Variants in POLD3 observed in about 807,000 individuals in gnomAD.
The protein encoded by POLD3 is DNA polymerase delta 3, accessory subunit.
In POLD3, 19 loss-of-function variants were observed where a neutral mutation model predicts 58.2. The ratio of observed to expected loss-of-function variants is 0.33; its 90% CI spans 0.23 to 0.48. The LOEUF is 0.48. Among genes scored for constraint, POLD3 ranks in the 20% least tolerant of loss-of-function variants. The pLI, the probability that POLD3 is intolerant of heterozygous loss-of-function variation, is 0.99. For missense variants in POLD3, 504 were observed against 545.5 expected (o/e 0.92, Z 0.76); for synonymous variants, 172 against 193.5 (o/e 0.89, Z 0.92).
intron 8 of POLD3, among the ~76,000 whole-genome samples, chr11:74,628,377 T>G (rs2032493246): frequency 6.6e-6 from 1 of 152,206 alleles, no homozygotes; most frequent in Non-Finnish European, 1.5e-5. Context: ...TTCCTTTTAC[T>G]TTGGGTTTAA....
chr11:74,607,371 T>C (rs946650980), intron 3 of POLD3, among the ~76,000 whole-genome samples: 2 of 150,654 alleles, frequency 1.3e-5, no homozygotes, highest in African/African-American at 4.9e-5. Context: ...CACGTCATTC[T>C]CCTGCCTCAG....
chr11:74,592,730 C>T lies in POLD3; in HGVS notation c.60+12C>T. 1 of 1,614,000 alleles carries T rather than the reference C, an allele frequency of 6.2e-7. No individual in the cohort carries two copies. Among genetic ancestry groups the T allele is most frequent in the Non-Finnish European group, 8.5e-7 (1 of 1,179,916 alleles). ...ACCAAAACAAGATCGTGAGCAGCTA[C>T]TACTGGGGAACGCGGGCGTGCGACC... On this transcript the variant is annotated intron_variant, in intron 1 of 11. Coordinates refer to ENST00000263681, the MANE Select transcript of POLD3 (RefSeq NM_006591.3).
At chr11:74,629,108 A>G in intron 8 of POLD3, 109 bp from the exon 9 acceptor site, 1 of 656,610 alleles carries the variant, frequency 1.5e-6, no homozygotes, top group Middle Eastern at 2.6e-4. Context: ...GTCCTTTTCT[A>G]CCCTCTGGAA....
chr11:74,604,192 A>C (rs1446387333), intron 2 of POLD3, among the ~76,000 whole-genome samples: 1 of 152,202 alleles, frequency 6.6e-6, no homozygotes, highest in Non-Finnish European at 1.5e-5. Flanking sequence ...CACATCTCCC[A>C]AAAAAGCACA....
intron 11 of POLD3, among the ~76,000 whole-genome samples, chr11:74,639,450 A>T (rs2032848003): frequency 6.6e-6 from 1 of 152,230 alleles, no homozygotes; most frequent in Admixed American, 6.5e-5. Flanking sequence ...TCATTTGAGC[A>T]TTTATTATGC....
At chr11:74,596,489 A>G (rs1255691342) in intron 2 of POLD3, among the ~76,000 whole-genome samples, 1 of 152,136 alleles carries the variant, frequency 6.6e-6, no homozygotes. Context: ...CCAAGCCAAG[A>G]TTTTTTAAAT....
intron 4 of POLD3, among the ~76,000 whole-genome samples, chr11:74,654,420 CAG>C (rs1328686455): frequency 4.4e-5 from 6 of 135,164 alleles, no homozygotes; most frequent in Non-Finnish European, 7.0e-5. Flanking sequence ...TTAAATAAAA[CAG>C]AACTAAAAAC....
chr11:74,622,761 A>C (rs1403754240), intron 7 of POLD3, among the ~76,000 whole-genome samples: 1 of 152,170 alleles, frequency 6.6e-6, no homozygotes, highest in Non-Finnish European at 1.5e-5. Context: ...AATGATGTGT[A>C]CTCACTTTGG....
chr11:74,599,389 G>A (rs1350555700), intron 2 of POLD3, among the ~76,000 whole-genome samples: 4 of 128,846 alleles, frequency 3.1e-5, no homozygotes, highest in South Asian at 2.4e-4. Flanking sequence ...TTTTTTTGAC[G>A]GAGTCTCGCT....
At chr11:74,632,297 C>T (rs1264628026) in intron 9 of POLD3, among the ~76,000 whole-genome samples, 1 of 152,156 alleles carries the variant, frequency 6.6e-6, no homozygotes, top group Non-Finnish European at 1.5e-5. Context: ...AGTTTTTATT[C>T]TGTCCCAACA....
chr11:74,640,693 C>A lies in POLD3; in HGVS notation c.1328C>A (p.Pro443His). The change falls in exon 12 of 12, where the codon CCC becomes CAC. Residue 443 changes from proline (P) to histidine (H), a missense_variant. By Grantham distance (77) the Pro-to-His change is moderately conservative (BLOSUM62 -2). This residue lies in a region of POLD3 where 385 missense variants were observed against 370.5 expected (regional missense o/e 1.04). Coordinates refer to ENST00000263681, the MANE Select transcript of POLD3 (RefSeq NM_006591.3). ...GAACCCAGAGAGGAACGAAAGGGCC[C>A]CAAGAAAGGGACTGCTGCTCTGGGC... ...KKEPREERKG[P>H]KKGTAALGKA... 6.2e-7 allele frequency: 1 copy of A among 1,613,010 alleles called. No individual in the cohort carries two copies. Among genetic ancestry groups the A allele is most frequent in the South Asian group, 1.1e-5 (1 of 90,848 alleles).
At chr11:74,627,862 T>C (rs1052649389) in intron 8 of POLD3, among the ~76,000 whole-genome samples, 4 of 152,166 alleles carry the variant, frequency 2.6e-5, no homozygotes, top group African/African-American at 4.8e-5. Context: ...AATGCATTTC[T>C]CAAAATATGT....
chr11:74,639,700 G>A (rs1405767051), intron 11 of POLD3, among the ~76,000 whole-genome samples: 1 of 152,228 alleles, frequency 6.6e-6, no homozygotes, highest in Non-Finnish European at 1.5e-5. Flanking sequence ...CTGTGCCTGT[G>A]TCCTTTGGGG....
intron 7 of POLD3, among the ~76,000 whole-genome samples, chr11:74,620,849 T>C (rs1202328062): frequency 6.6e-6 from 1 of 152,128 alleles, no homozygotes. Context: ...GTTACATGCC[T>C]ATGCAAGCAA....
chr11:74,625,608 T>G, intron 8 of POLD3, 35 bp downstream of exon 8: 1 of 1,567,554 alleles, frequency 6.4e-7, no homozygotes, highest in South Asian at 1.2e-5. Flanking sequence ...GGGAAGAGTC[T>G]TTACTGGGGG....
At chr11:74,621,081 A>G (rs1338803569) in intron 7 of POLD3, among the ~76,000 whole-genome samples, 1 of 152,146 alleles carries the variant, frequency 6.6e-6, no homozygotes, top group Admixed American at 6.5e-5. Context: ...CGGAAGCATT[A>G]TTGTATTACT....
chr11:74,650,768 T>C (rs1176579298), intron 4 of POLD3, among the ~76,000 whole-genome samples: 1 of 152,180 alleles, frequency 6.6e-6, no homozygotes, highest in Non-Finnish European at 1.5e-5. Context: ...GGGTGCCAGA[T>C]GTGAAGTTTC....
At chr11:74,592,748 G>C in intron 1 of POLD3, 30 bp downstream of exon 1, 1 of 1,613,008 alleles carries the variant, frequency 6.2e-7, no homozygotes, top group South Asian at 1.1e-5. Flanking sequence ...GAACGCGGGC[G>C]TGCGACCGGG....
intron 4 of POLD3, among the ~76,000 whole-genome samples, chr11:74,664,751 A>G (rs7948555): frequency 0.19 from 29,065 of 152,160 alleles, 3,433 homozygotes; most frequent in African/African-American, 0.32. Flanking sequence ...AAATCAATTA[A>G]TATAATAAAC....
Sources: allele counts gnomAD v4.1 joint callset (sites outside exome capture counted in the v4.1 genomes callset), GRCh38; gene constraint gnomAD v4.1.1; regional missense constraint gnomAD v4.1.1; transcripts MANE v1.5; gene names NCBI Gene and HGNC (gene_info 2026-07-23, HGNC 2026-07-21).